NCAPG: variants seen among roughly 807,000 people sequenced by gnomAD.
NCAPG encodes non-SMC condensin I complex subunit G.
In NCAPG, 69 loss-of-function variants were observed where a neutral mutation model predicts 113.1. The ratio of observed to expected loss-of-function variants is 0.61; its 90% CI spans 0.50 to 0.75. The LOEUF is 0.75. NCAPG is among the 30% of genes least tolerant of loss of function. The pLI, the probability that NCAPG is intolerant of heterozygous loss-of-function variation, is 0.00. For synonymous variants in NCAPG, 370 were observed against 415.8 expected, an observed-to-expected ratio of 0.89 and a Z score of 1.34; for missense variants, 1,058 against 1,177.0, an observed-to-expected ratio of 0.90 and a Z score of 1.48.
intron 4 of NCAPG, 103 bp downstream of exon 4, chr4:17,815,101 T>G (rs987903923): frequency 6.8e-7 from 1 of 1,479,306 alleles, no homozygotes; most frequent in East Asian, 2.3e-5. Context: ...ATTTCTTCAG[T>G]TGAGGTTTTA....
At chr4:17,814,423 T>C (rs1249549636) in intron 3 of NCAPG, among the ~76,000 whole-genome samples, 2 of 151,894 alleles carry the variant, frequency 1.3e-5, no homozygotes, top group East Asian at 1.9e-4. Context: ...AAGAAGGAAG[T>C]TGGTGGGAAA....
chr4:17,822,210 T>C (rs1721486015), intron 7 of NCAPG, among the ~76,000 whole-genome samples: 2 of 150,818 alleles, frequency 1.3e-5, no homozygotes, highest in South Asian at 4.2e-4. Flanking sequence ...TTTTTTTTTT[T>C]TGAGATGGAG....
At chr4:17,832,459 T>G (rs892790053) in intron 13 of NCAPG, among the ~76,000 whole-genome samples, 1 of 152,144 alleles carries the variant, frequency 6.6e-6, no homozygotes, top group African/African-American at 2.4e-5. Context: ...ATGGATGAAT[T>G]TGCGTTTTCC....
At chr4:17,841,476 G>A (rs1165055309) in intron 19 of NCAPG, 1 of 151,778 alleles carries the variant, frequency 6.6e-6, no homozygotes, top group Non-Finnish European at 1.5e-5. Context: ...CCATATTGTT[G>A]GATGTTTTCT....
At position 17,834,662 on chromosome 4, in the gene NCAPG, C is replaced by T. The variant is rs1406557959; in HGVS notation, c.2109+139C>T. The T allele has an allele frequency of 4.8e-5, 26 of 542,868 alleles. 1 individual carries two copies. The highest frequency in any genetic ancestry group is 6.2e-5 in the Non-Finnish European group (21 of 338,338). 33.6% of individuals were successfully genotyped at this position (542,868 alleles called of 1,614,324 possible). On this transcript the variant is annotated intron_variant, in intron 14 of 20. Transcript: ENST00000251496. ...CATACAGGTTTGTTACATAGGTATA[C>T]ATGTGCCATGGTGGTTTGCTGCACC...
Position 17,812,411 on chromosome 4 carries a change from CT to C in NCAPG, c.306del (p.Leu103SerfsTer2). On this transcript the variant is annotated frameshift_variant, in exon 2 of 21. Transcript: ENST00000251496. LOFTEE classifies it high-confidence loss of function. Reference sequence around the variant, plus strand: ...GGTGGCCTTTTAAATTATTTGTTTACTTTTCTCTTAAAGGTACTATGAAAAT... The same window carrying C: ...GGTGGCCTTTTAAATTATTTGTTTACTTTCTCTTAAAGGTACTATGAAAAT... The part of the protein sequence containing the change: ...EDGGLLNYLF[T>X]FLLKSHEANS... The C allele has an allele frequency of 6.2e-7, 1 of 1,613,072 alleles. No homozygotes were observed.
intron 18 of NCAPG, among the ~76,000 whole-genome samples, 183 bp from the exon 19 acceptor site, chr4:17,840,424 T>C (rs562533007): frequency 6.6e-6 from 1 of 152,206 alleles, no homozygotes; most frequent in Admixed American, 6.5e-5. Flanking sequence ...CATATGACCA[T>C]CTTTTTAAGA....
chr4:17,831,255 T>C (rs1159039976), intron 13 of NCAPG, 139 bp downstream of exon 13: 5 of 977,060 alleles, frequency 5.1e-6, no homozygotes, highest in Non-Finnish European at 7.2e-6. Context: ...ACAATACTTT[T>C]ATCTTTTGAT....
intron 13 of NCAPG, among the ~76,000 whole-genome samples, chr4:17,832,895 T>G (rs1387405586): frequency 6.6e-6 from 1 of 152,192 alleles, no homozygotes; most frequent in Non-Finnish European, 1.5e-5. Flanking sequence ...CCGTGTTGCT[T>G]CATAATGGAC....
chr4:17,819,617 G>T (rs1237299685), intron 7 of NCAPG, among the ~76,000 whole-genome samples: 2 of 152,152 alleles, frequency 1.3e-5, no homozygotes, highest in Non-Finnish European at 2.9e-5. Context: ...GGCCAGGATG[G>T]TCTCAATCTC....
rs1325485688 is a variant in NCAPG at position 17,818,181 on chromosome 4, A to C, written c.1118+93A>C. Reference sequence around the variant, plus strand: ...TCCTCAAAGTCATGTTTGATTGTGAATATGTTAAAAATCCTTTTTTTGTAC... The same window carrying C: ...TCCTCAAAGTCATGTTTGATTGTGACTATGTTAAAAATCCTTTTTTTGTAC... On this transcript the variant is annotated intron_variant, in intron 7 of 20. Transcript: ENST00000251496. The C allele has an allele frequency of 4.4e-6, 6 of 1,370,728 alleles. No homozygotes were observed. In the East Asian group the frequency reaches 1.4e-4, roughly 32 times the overall value. The allele number at this position is 1,370,728 out of a possible 1,614,324, so 84.9% of individuals were successfully genotyped here.
rs78378922 is a variant in NCAPG at position 17,844,662 on chromosome 4, T to A, written c.*1237T>A. 1 of 152,364 alleles carries A rather than the reference T, an allele frequency of 6.6e-6. No homozygotes were observed. The highest frequency in any genetic ancestry group is 2.4e-5 in the African/African-American group (1 of 41,352). 9.4% of individuals were successfully genotyped at this position (152,364 alleles called of 1,614,324 possible). A position where few individuals can be genotyped will look rare whatever the true frequency, so the allele number is the denominator to read the frequency against. On this transcript the variant is annotated 3_prime_UTR_variant, in exon 21 of 21. Transcript: ENST00000251496. ...TCAGATTCCTTATGTGTTGTTGTTTTAAAGACAATTTGCAGGGGGTTGGGA... is the reference window on the plus strand; with the variant it reads ...TCAGATTCCTTATGTGTTGTTGTTTAAAAGACAATTTGCAGGGGGTTGGGA...
At chr4:17,813,667 T>TG (rs1257881044) in intron 3 of NCAPG, among the ~76,000 whole-genome samples, 1 of 150,960 alleles carries the variant, frequency 6.6e-6, no homozygotes, top group Non-Finnish European at 1.5e-5. Flanking sequence ...GGTGGCTCAT[T>TG]GGGGTATCAT....
intron 7 of NCAPG, among the ~76,000 whole-genome samples, chr4:17,821,680 T>C (rs1468109256): frequency 6.6e-6 from 1 of 152,036 alleles, no homozygotes; most frequent in Non-Finnish European, 1.5e-5. Context: ...GTTAGGCTCT[T>C]CTTGAACTCC....
chr4:17,834,255 G>T, intron 13 of NCAPG, 44 bp from the exon 14 acceptor site: 1 of 1,283,734 alleles, frequency 7.8e-7, no homozygotes. Flanking sequence ...AAACAAAACA[G>T]TTTACTGAAT....
chr4:17,815,093 T>G, intron 4 of NCAPG, 95 bp downstream of exon 4: 2 of 1,512,050 alleles, frequency 1.3e-6, no homozygotes, highest in Non-Finnish European at 1.8e-6. Flanking sequence ...ATGTAATAAT[T>G]TCTTCAGTTG....
intron 15 of NCAPG, 74 bp downstream of exon 15, chr4:17,837,414 A>G: frequency 2.2e-6 from 3 of 1,378,558 alleles, no homozygotes; most frequent in Non-Finnish European, 3.0e-6. Context: ...TATATCTATA[A>G]TGATATTTTG....
chr4:17,826,418 C>G (rs149614670), intron 11 of NCAPG, among the ~76,000 whole-genome samples: 46 of 152,226 alleles, frequency 3.0e-4, no homozygotes, highest in Admixed American at 6.5e-4. Context: ...CATCCCAACT[C>G]CAACACCCAC....
intron 20 of NCAPG, 34 bp from the exon 21 acceptor site, chr4:17,843,268 T>TATC (rs1300244481): frequency 1.3e-6 from 2 of 1,588,198 alleles, no homozygotes; most frequent in African/African-American, 2.7e-5. Flanking sequence ...TTAAAGCTTG[T>TATC]ATCTAAATTC....
Sources: allele counts gnomAD v4.1 joint callset (sites outside exome capture counted in the v4.1 genomes callset), GRCh38; gene constraint gnomAD v4.1.1; transcripts MANE v1.5; gene names NCBI Gene and HGNC (gene_info 2026-07-23, HGNC 2026-07-21).